EHBP1: variants seen among roughly 807,000 people sequenced by gnomAD.
EHBP1 encodes EH domain-binding protein 1.
In EHBP1, 55 loss-of-function variants were observed where a neutral mutation model predicts 144.0. The observed-to-expected ratio is 0.38, with a 90% CI of 0.31 to 0.48. The LOEUF is 0.48. Among genes scored for constraint, EHBP1 ranks in the 20% least tolerant of loss-of-function variants. The pLI, the probability that EHBP1 is intolerant of heterozygous loss-of-function variation, is 0.98. For missense variants in EHBP1, 1,200 were observed against 1,364.2 expected, an observed-to-expected ratio of 0.88 and a Z score of 1.90; for synonymous variants, 469 against 472.7, an observed-to-expected ratio of 0.99 and a Z score of 0.10.
chr2:63,020,304 A>G (rs1004703743), intron 19 of EHBP1, among the ~76,000 whole-genome samples: 2 of 148,366 alleles, frequency 1.3e-5, no homozygotes, highest in African/African-American at 5.0e-5. Flanking sequence ...AGCCTGTGCA[A>G]CAGAGTGAGA....
At chr2:63,004,023 C>T (rs2059940245) in intron 19 of EHBP1, among the ~76,000 whole-genome samples, 1 of 152,030 alleles carries the variant, frequency 6.6e-6, no homozygotes, top group Non-Finnish European at 1.5e-5. Flanking sequence ...TTAAAATTTT[C>T]TATAAAGTAT....
chr2:62,786,830 T>G (rs1421237020), intron 5 of EHBP1, among the ~76,000 whole-genome samples: 2 of 152,156 alleles, frequency 1.3e-5, no homozygotes, highest in African/African-American at 4.8e-5. Context: ...CTCTGCAGAG[T>G]GGGCAATTTT....
chr2:63,008,110 A>G (rs2060119409), intron 19 of EHBP1, among the ~76,000 whole-genome samples: 1 of 151,716 alleles, frequency 6.6e-6, no homozygotes, highest in Non-Finnish European at 1.5e-5. Context: ...CACATCTACA[A>G]AGTTTTACAA....
intron 5 of EHBP1, among the ~76,000 whole-genome samples, chr2:62,813,439 T>C (rs1416154966): frequency 6.6e-6 from 1 of 152,180 alleles, no homozygotes; most frequent in Admixed American, 6.5e-5. Context: ...TAGGGCAGTG[T>C]CTGGTGGAGC....
chr2:62,678,801 T>C (rs540297049), intron 1 of EHBP1, among the ~76,000 whole-genome samples: 1 of 152,340 alleles, frequency 6.6e-6, no homozygotes, highest in Admixed American at 6.5e-5. Context: ...ATATATTTAG[T>C]GCTCTACATT....
chr2:62,891,158 CAA>C (rs34477729), intron 10 of EHBP1, among the ~76,000 whole-genome samples: 72 of 65,978 alleles, frequency 1.1e-3, no homozygotes, highest in Middle Eastern at 0.016. Flanking sequence ...GCCTGGGCGA[CAA>C]AAAAAAAAAA....
chr2:62,829,783 T>C (rs569283488), intron 6 of EHBP1, among the ~76,000 whole-genome samples: 1 of 147,372 alleles, frequency 6.8e-6, no homozygotes, highest in African/African-American at 2.5e-5. Flanking sequence ...ATTATATATA[T>C]TATACATATA....
At chr2:62,822,269 G>C (rs993264939) in intron 5 of EHBP1, among the ~76,000 whole-genome samples, 24 of 152,144 alleles carry the variant, frequency 1.6e-4, no homozygotes, top group African/African-American at 5.8e-4. Flanking sequence ...TACTTGAATA[G>C]CAATGAGAGT....
intron 5 of EHBP1, among the ~76,000 whole-genome samples, chr2:62,788,710 G>T (rs1000236562): frequency 6.6e-6 from 1 of 151,922 alleles, no homozygotes; most frequent in African/African-American, 2.4e-5. Flanking sequence ...CTTCTTACCT[G>T]TTTCTGAAGG....
chr2:62,790,087 T>C (rs1453279734), intron 5 of EHBP1, among the ~76,000 whole-genome samples: 1 of 152,206 alleles, frequency 6.6e-6, no homozygotes, highest in Non-Finnish European at 1.5e-5. Context: ...TGAATATTTA[T>C]ATTTCCACTG....
chr2:62,993,884 G>T lies in EHBP1; in HGVS notation c.2886G>T (p.Gln962His). Residue 962 changes from glutamine (Q) to histidine (H), a missense_variant, in exon 18 of 23, where the codon CAG becomes CAT. Around this residue, in one of 6 missense-constraint regions of EHBP1, gnomAD observed 543 missense variants for 513.1 expected, o/e 1.06. Coordinates refer to ENST00000431489, the MANE Select transcript of EHBP1 (RefSeq NM_001142616.3). ...TTTTTTTTTAAGAGATGAAAAGGCA[G>T]AGATCAATACAGGAAGATACAAAGA... ...YIENRPEMKRQRSIQEDTKKG... is the reference protein window; with the variant it reads ...YIENRPEMKRHRSIQEDTKKG... The T allele has an allele frequency of 6.4e-7, 1 of 1,563,350 alleles. No individual in the cohort carries two copies. Among genetic ancestry groups the T allele is most frequent in the Non-Finnish European group, 8.7e-7 (1 of 1,154,934 alleles).
chr2:62,890,040 C>T (rs916096938), intron 10 of EHBP1, among the ~76,000 whole-genome samples: 2 of 149,328 alleles, frequency 1.3e-5, no homozygotes, highest in Admixed American at 6.7e-5. Context: ...TGGCTCACTG[C>T]AACCTCCGCC....
At chr2:62,939,439 A>T (rs2056602806) in intron 10 of EHBP1, among the ~76,000 whole-genome samples, 1 of 151,850 alleles carries the variant, frequency 6.6e-6, no homozygotes, top group Admixed American at 6.6e-5. Flanking sequence ...ATGCCCAGCT[A>T]TTTTTTTGTA....
At chr2:62,955,433 C>A in intron 13 of EHBP1, 84 bp from the exon 14 acceptor site, 1 of 1,275,576 alleles carries the variant, frequency 7.8e-7, no homozygotes, top group Non-Finnish European at 1.1e-6. Flanking sequence ...ATTATTTCAG[C>A]AGATTGTCTA....
chr2:63,026,093 C>T (rs183287554), intron 19 of EHBP1, among the ~76,000 whole-genome samples: 1 of 152,140 alleles, frequency 6.6e-6, no homozygotes, highest in Non-Finnish European at 1.5e-5. Context: ...TAGAAATATA[C>T]TCAATGAAAC....
chr2:62,867,695 T>A (rs1457911882), intron 9 of EHBP1, among the ~76,000 whole-genome samples: 2 of 152,176 alleles, frequency 1.3e-5, no homozygotes. Context: ...TTTAAAAAAA[T>A]AATTTGTCAG....
At chr2:62,868,881 G>T (rs972308085) in intron 9 of EHBP1, among the ~76,000 whole-genome samples, 19 of 152,126 alleles carry the variant, frequency 1.2e-4, no homozygotes, top group Non-Finnish European at 2.9e-5. Flanking sequence ...TTGAGCCCAG[G>T]GTTTCAAGGC....
chr2:63,013,298 C>T (rs1185719780), intron 19 of EHBP1, among the ~76,000 whole-genome samples: 1 of 152,164 alleles, frequency 6.6e-6, no homozygotes, highest in African/African-American at 2.4e-5. Context: ...TAGGTTCTGA[C>T]TCTCTTTGGA....
At chr2:62,887,049 G>A (rs1179953607) in intron 10 of EHBP1, among the ~76,000 whole-genome samples, 2 of 152,088 alleles carry the variant, frequency 1.3e-5, no homozygotes, top group African/African-American at 4.8e-5. Context: ...TGATACAGTA[G>A]TCTCACAGTC....
Sources: gnomAD v4.1 joint callset for allele counts (sites outside exome capture counted in the v4.1 genomes callset) on GRCh38, gnomAD v4.1.1 for gene constraint, gnomAD v4.1.1 regional missense constraint, MANE v1.5 for transcripts, NCBI Gene and HGNC (gene_info 2026-07-23, HGNC 2026-07-21) for gene names.